CDH18: variants seen among roughly 807,000 people sequenced by gnomAD.
CDH18 encodes the protein cadherin 18.
Under a neutral mutation model 67.9 loss-of-function variants are expected in CDH18, and 31 were observed. The observed-to-expected ratio is 0.46, with a 90% CI of 0.34 to 0.62. CDH18 has a LOEUF of 0.62. Among genes scored for constraint, CDH18 ranks in the 20% least tolerant of loss-of-function variants. The probability of loss-of-function intolerance (pLI) is 0.01; values close to 1 mark genes in which losing one functional copy is unlikely to be tolerated. For synonymous variants in CDH18, 362 were observed against 347.2 expected (o/e 1.04, Z -0.48); for missense variants, 890 against 975.5 (o/e 0.91, Z 1.17).
chr5:19,822,094 C>G (rs187700512), intron 3 of CDH18, among the ~76,000 whole-genome samples: 1 of 152,188 alleles, frequency 6.6e-6, no homozygotes, highest in African/African-American at 2.4e-5. Context: ...ACAACCGGAT[C>G]AAAACTTCAC....
intron 6 of CDH18, among the ~76,000 whole-genome samples, chr5:19,599,604 T>TA (rs1746727305): frequency 6.6e-6 from 1 of 151,980 alleles, no homozygotes; most frequent in African/African-American, 2.4e-5. Context: ...AAAGAGTGAC[T>TA]AAAAAAACAC....
intron 1 of CDH18, among the ~76,000 whole-genome samples, chr5:20,442,000 C>T (rs924291818): frequency 1.9e-4 from 29 of 151,896 alleles, no homozygotes; most frequent in Non-Finnish European, 4.0e-4. Context: ...ATATAAGCTT[C>T]ATGATGGGAG....
intron 2 of CDH18, among the ~76,000 whole-genome samples, chr5:19,865,592 C>A (rs1008220501): frequency 4.6e-5 from 7 of 152,060 alleles, no homozygotes; most frequent in African/African-American, 1.4e-4. Flanking sequence ...CACTGAGAAT[C>A]CCACATGGCA....
At chr5:20,449,732 C>G (rs1039547311) in intron 1 of CDH18, among the ~76,000 whole-genome samples, 1 of 151,838 alleles carries the variant, frequency 6.6e-6, no homozygotes, top group Non-Finnish European at 1.5e-5. Flanking sequence ...AAAAATAATA[C>G]AATTCATATT....
At chr5:19,749,834 AAC>A (rs1195477481) in intron 3 of CDH18, among the ~76,000 whole-genome samples, 4 of 124,536 alleles carry the variant, frequency 3.2e-5, no homozygotes, top group Non-Finnish European at 7.5e-5. Context: ...ATAATTAATA[AAC>A]AGTTTTTATA....
intron 8 of CDH18, among the ~76,000 whole-genome samples, chr5:19,556,254 T>C (rs971182200): frequency 1.3e-5 from 2 of 151,944 alleles, no homozygotes; most frequent in South Asian, 2.1e-4. Context: ...TTATCAGCAA[T>C]GGATCCAAAC....
intron 1 of CDH18, among the ~76,000 whole-genome samples, chr5:19,981,507 C>T (rs796458179): frequency 4.5e-4 from 68 of 152,258 alleles, no homozygotes; most frequent in African/African-American, 1.5e-3. Context: ...GGCTTTCTTG[C>T]TGGGTCTTCA....
intron 4 of CDH18, among the ~76,000 whole-genome samples, chr5:19,722,443 G>T (rs1766231663): frequency 6.6e-6 from 1 of 150,650 alleles, no homozygotes; most frequent in Non-Finnish European, 1.5e-5. Flanking sequence ...AAAATGGATT[G>T]TAAATTCATT....
chr5:20,385,565 A>T (rs375085296), intron 1 of CDH18, among the ~76,000 whole-genome samples: 7 of 152,164 alleles, frequency 4.6e-5, no homozygotes, highest in East Asian at 3.9e-4. Context: ...TCTCTTCTTG[A>T]TACAGATGGG....
chr5:19,584,793 C>CAAAAA lies in CDH18; in HGVS notation c.999+6259_999+6263dup, dbSNP rs61297842. Among the ~76,000 whole-genome samples, 123 of 75,068 alleles carry CAAAAA rather than the reference C, an allele frequency of 1.6e-3. 1 individual carries two copies. Among genetic ancestry groups the CAAAAA allele is most frequent in the Admixed American group, 9.1e-3 (48 of 5,288 alleles). 49.2% of individuals were successfully genotyped at this position (75,068 alleles called of 152,430 possible). A position where few individuals can be genotyped will look rare whatever the true frequency, so the allele number is the denominator to read the frequency against. ...TGAGGCCCCGTTTCTACTAAAAATA[C>CAAAAA]AAAAAAAAAAAAAAAAAAAGAAAAA... On this transcript the variant is annotated intron_variant, in intron 7 of 12. Transcript: ENST00000382275.
At chr5:20,497,186 C>A (rs1447348679) in intron 1 of CDH18, among the ~76,000 whole-genome samples, 1 of 152,082 alleles carries the variant, frequency 6.6e-6, no homozygotes, top group South Asian at 2.1e-4. Flanking sequence ...AGTGAGGGCT[C>A]AGGGAGTAAT....
chr5:19,541,428 T>G (rs1357871420), intron 9 of CDH18, among the ~76,000 whole-genome samples: 7 of 152,116 alleles, frequency 4.6e-5, no homozygotes, highest in Non-Finnish European at 1.0e-4. Flanking sequence ...ACTTCCACAT[T>G]TTTAAGTATC....
intron 2 of CDH18, among the ~76,000 whole-genome samples, chr5:20,077,651 A>T (rs902843219): frequency 6.6e-6 from 1 of 152,240 alleles, no homozygotes; most frequent in Non-Finnish European, 1.5e-5. Context: ...ACTTCAGAAG[A>T]AAAAATAAGC....
chr5:19,945,443 T>C (rs1406576530), intron 2 of CDH18, among the ~76,000 whole-genome samples: 2 of 152,258 alleles, frequency 1.3e-5, no homozygotes, highest in East Asian at 3.9e-4. Flanking sequence ...TCTGCTAATA[T>C]TGTATCTAGA....
At chr5:20,443,359 A>G (rs1749774929) in intron 1 of CDH18, among the ~76,000 whole-genome samples, 1 of 151,828 alleles carries the variant, frequency 6.6e-6, no homozygotes, top group Non-Finnish European at 1.5e-5. Flanking sequence ...GTATCCCTAA[A>G]CCACATTTAA....
intron 2 of CDH18, among the ~76,000 whole-genome samples, chr5:19,925,168 T>C (rs1407550845): frequency 6.6e-6 from 1 of 152,162 alleles, no homozygotes; most frequent in East Asian, 1.9e-4. Flanking sequence ...CATTTATCGA[T>C]AAGGTAAGTT....
intron 2 of CDH18, among the ~76,000 whole-genome samples, chr5:20,242,805 A>T (rs1336597816): frequency 6.6e-6 from 1 of 151,482 alleles, no homozygotes; most frequent in African/African-American, 2.4e-5. Flanking sequence ...ATCCCATAAC[A>T]ATATTTAAAT....
At chr5:20,357,692 C>G (rs1741745932) in intron 1 of CDH18, among the ~76,000 whole-genome samples, 1 of 152,092 alleles carries the variant, frequency 6.6e-6, no homozygotes, top group Non-Finnish European at 1.5e-5. Context: ...AAATGGGAGA[C>G]TTTATACACT....
At position 20,432,244 on chromosome 5, in the gene CDH18, C is replaced by T. The variant is rs111668840; in HGVS notation, c.-580+143218G>A. Among the ~76,000 whole-genome samples the T allele has an allele frequency of 7.5e-3, 1,148 of 152,240 alleles. 11 individuals are homozygous for T. The highest frequency in any genetic ancestry group is 0.026 in the African/African-American group (1,080 of 41,546). On this transcript the variant is annotated intron_variant, in intron 1 of 14. Coordinates refer to the CDH18 transcript ENST00000507958. ...GGTGTCAGCGCCTTAATTTCTAGCA[C>T]TTAATTTCCCCAAAATACTAATTAT...
Sources: gnomAD v4.1 joint callset for allele counts (sites outside exome capture counted in the v4.1 genomes callset) on GRCh38, gnomAD v4.1.1 for gene constraint, MANE v1.5 for transcripts, NCBI Gene and HGNC (gene_info 2026-07-23, HGNC 2026-07-21) for gene names.